The following U2AF2 variants were observed in gnomAD, a reference collection of about 807,000 sequenced individuals.
U2AF2 encodes splicing factor U2AF 65 kDa subunit.
A neutral mutation model predicts 52.6 loss-of-function variants in U2AF2; 6 were observed. The observed-to-expected ratio is 0.11, with a 90% confidence interval of 0.06 to 0.23. U2AF2 has a LOEUF of 0.23. U2AF2 is among the 10% of genes least tolerant of loss of function. The pLI is 1.00. For synonymous variants in U2AF2, 284 were observed against 258.2 expected (o/e 1.10, Z -0.96); for missense variants, 222 against 677.1 (o/e 0.33, Z 7.46).
At chr19:55,665,595 G>C (rs1364191619) in intron 7 of U2AF2, among the ~76,000 whole-genome samples, 7 of 152,318 alleles carry the variant, frequency 4.6e-5, no homozygotes, top group African/African-American at 1.7e-4. Context: ...TACGACACAG[G>C]GATTGGCAGG....
chr19:55,660,174 C>A lies in U2AF2; in HGVS notation c.186-3C>A. 1 of 1,609,232 alleles carries A rather than the reference C, an allele frequency of 6.2e-7. No homozygotes were observed. The highest frequency in any genetic ancestry group is 8.5e-7 in the Non-Finnish European group (1 of 1,177,476). ...CCCCATACCTTTCCCTCCCACCCCC[C>A]AGCAAACCTTTGACCAGAGGCGCTA... On this transcript the variant is annotated splice_region_variant and splice_polypyrimidine_tract_variant and intron_variant, in intron 2 of 11. Coordinates refer to ENST00000308924, the MANE Select transcript of U2AF2 (RefSeq NM_007279.3).
chr19:55,655,717 T>C (rs1983750362), intron 1 of U2AF2, among the ~76,000 whole-genome samples: 1 of 152,232 alleles, frequency 6.6e-6, no homozygotes, highest in Non-Finnish European at 1.5e-5. Flanking sequence ...CCCTTTTCCT[T>C]TTTGCTGATT....
In U2AF2 at chr19:55,668,821, C is replaced by T. The variant is rs543800537; in HGVS notation, c.945+29C>T. 15 of 1,599,270 alleles carry T rather than the reference C, an allele frequency of 9.4e-6. No homozygotes were observed. The highest frequency in any genetic ancestry group is 9.0e-5 in the East Asian group (4 of 44,510). On this transcript the variant is annotated intron_variant, in intron 9 of 11. Coordinates refer to ENST00000308924, the MANE Select transcript of U2AF2 (RefSeq NM_007279.3). This position sits in a 1 kb window ranked among gnomAD's most constrained non-coding sequence, Gnocchi z 5.5. ...AGTCCCCGGTCGCTGGCCGCTGCCG[C>T]GTCTGTCCTTCCCTGCCCTGCGCTG...
chr19:55,670,586 CG>C, intron 11 of U2AF2: 1 of 278,850 alleles, frequency 3.6e-6, no homozygotes, highest in Non-Finnish European at 7.0e-6. Flanking sequence ...CGTATTGAGT[CG>C]GGGCAGGGGC....
intron 1 of U2AF2, among the ~76,000 whole-genome samples, chr19:55,657,840 G>A (rs553613744): frequency 1.3e-5 from 2 of 152,200 alleles, no homozygotes; most frequent in Admixed American, 6.5e-5. Flanking sequence ...GTTTGACCTT[G>A]GTAATTGTGA....
chr19:55,667,284 TC>T (rs1267361027), intron 7 of U2AF2, among the ~76,000 whole-genome samples: 2 of 152,132 alleles, frequency 1.3e-5, no homozygotes, highest in African/African-American at 4.8e-5. Flanking sequence ...TCTTACCTAT[TC>T]CTTCCCAGCA....
At chr19:55,663,576 T>A in intron 6 of U2AF2, 30 bp from the exon 7 acceptor site, 4 of 1,608,812 alleles carry the variant, frequency 2.5e-6, no homozygotes, top group Non-Finnish European at 3.4e-6. Flanking sequence ...CTGACCCCCA[T>A]CCCTCACCAC....
intron 4 of U2AF2, 127 bp downstream of exon 4, chr19:55,660,746 G>A (rs1245433298): frequency 5.1e-6 from 5 of 979,242 alleles, no homozygotes; most frequent in African/African-American, 4.9e-5. Context: ...ACACCCCTGG[G>A]GGTTCTGGTC....
intron 11 of U2AF2, among the ~76,000 whole-genome samples, chr19:55,673,004 G>A (rs556240443): frequency 2.6e-4 from 39 of 151,642 alleles, no homozygotes; most frequent in Admixed American, 9.9e-4. Context: ...GTGCAGTGGC[G>A]CAATCTCGGC....
intron 5 of U2AF2, chr19:55,661,963 C>T (rs527640526): frequency 6.4e-6 from 1 of 155,068 alleles, no homozygotes; most frequent in Admixed American, 6.4e-5. Context: ...CTCCTCCCTA[C>T]ACTCCTCCTC....
chr19:55,662,660 T>A, intron 6 of U2AF2, 42 bp downstream of exon 6: 1 of 1,554,340 alleles, frequency 6.4e-7, no homozygotes, highest in Non-Finnish European at 8.9e-7. Context: ...ACGTGTGTGA[T>A]GTGAGGGCCC....
At position 55,668,854 on chromosome 19, in the gene U2AF2, G is replaced by A. The variant is rs541604749; in HGVS notation, c.945+62G>A. 7.4e-5 allele frequency: 117 copies of A among 1,571,190 alleles called. No individual in the cohort carries two copies. The highest frequency in any genetic ancestry group is 2.1e-4 in the Admixed American group (12 of 57,844). ...CTTCCCTGCCCTGCGCTGTTGCCAA[G>A]CCATGGTCTCCCCTCCTCAGGGGAC... On this transcript the variant is annotated intron_variant, in intron 9 of 11. Transcript: ENST00000308924. This position sits in a 1 kb window ranked among gnomAD's most constrained non-coding sequence, Gnocchi z 5.5.
chr19:55,666,321 A>C (rs771897006), intron 7 of U2AF2, among the ~76,000 whole-genome samples: 4 of 152,202 alleles, frequency 2.6e-5, no homozygotes, highest in Admixed American at 6.5e-5. Flanking sequence ...TGCTTTGTAG[A>C]TGCAGCCGCT....
intron 6 of U2AF2, 134 bp from the exon 7 acceptor site, chr19:55,663,472 T>C: frequency 7.3e-7 from 1 of 1,377,120 alleles, no homozygotes; most frequent in Non-Finnish European, 9.8e-7. Context: ...GTACTCCCAG[T>C]GCCCAGCCTG....
chr19:55,660,264 C>T (rs1984089086), intron 3 of U2AF2, 43 bp downstream of exon 3: 5 of 1,600,078 alleles, frequency 3.1e-6, no homozygotes, highest in African/African-American at 2.7e-5. Context: ...TGTCCACTCC[C>T]TTCACCTTCC....
At position 55,656,074 on chromosome 19, in the gene U2AF2, G is replaced by A. The variant is rs577424591; in HGVS notation, c.49+921G>A. 8.5e-5 allele frequency among the ~76,000 whole-genome samples: 13 copies of A among 152,226 alleles called. No individual in the cohort carries two copies. The South Asian group carries it at 1.9e-3, about 22-fold the overall frequency. On this transcript the variant is annotated intron_variant, in intron 1 of 11. Transcript: ENST00000308924. ...AAGGTGGGAGGCAGGTTCCCTTCAG[G>A]GTATCGAAAATTGTGATGGGTTAGA...
At position 55,674,177 on chromosome 19, in the gene U2AF2, C is replaced by G; in HGVS notation, c.*109C>G. ...TGGGCAGAGGAGTGACAGCCGCAGACACACGACAGCCGGCAGCAACTGGAA... is the reference window on the plus strand; with the variant it reads ...TGGGCAGAGGAGTGACAGCCGCAGAGACACGACAGCCGGCAGCAACTGGAA... On this transcript the variant is annotated 3_prime_UTR_variant, in exon 12 of 12. Coordinates refer to ENST00000308924, the MANE Select transcript of U2AF2 (RefSeq NM_007279.3). 4 of 1,056,808 alleles carry G rather than the reference C, an allele frequency of 3.8e-6. No homozygotes were observed. The highest frequency in any genetic ancestry group is 3.7e-6 in the Non-Finnish European group (3 of 812,920). The allele number at this position is 1,056,808 out of a possible 1,614,324, so 65.5% of individuals were successfully genotyped here.
chr19:55,663,538 C>T (rs1430474675), intron 6 of U2AF2, 68 bp from the exon 7 acceptor site: 2 of 1,551,090 alleles, frequency 1.3e-6, no homozygotes, highest in African/African-American at 1.4e-5. Flanking sequence ...AAATCCCAAT[C>T]CTGGAACACT....
Position 55,668,486 on chromosome 19 carries a change from C to CTTCTT in U2AF2, c.743-21_743-20insTTCTT, listed in dbSNP as rs1984681610. 6.4e-7 allele frequency: 1 copy of CTTCTT among 1,558,188 alleles called. No individual in the cohort carries two copies. Among genetic ancestry groups the CTTCTT allele is most frequent in the African/African-American group, 1.4e-5 (1 of 73,320 alleles). ...GATAACCTGGTACTGGAATTGAAGT[C>CTTCTT]CTCCTCTTCTCTACCCATAGGGGTT... is the stretch of plus-strand genomic sequence containing the variant. On this transcript the variant is annotated intron_variant, in intron 7 of 11. Coordinates refer to ENST00000308924, the MANE Select transcript of U2AF2 (RefSeq NM_007279.3). This position sits in a 1 kb window ranked among gnomAD's most constrained non-coding sequence, Gnocchi z 5.5.
Sources: gnomAD v4.1 joint callset for allele counts (sites outside exome capture counted in the v4.1 genomes callset) on GRCh38, gnomAD v4.1.1 for gene constraint, Gnocchi (gnomAD v3.1) non-coding constraint, MANE v1.5 for transcripts, NCBI Gene and HGNC (gene_info 2026-07-23, HGNC 2026-07-21) for gene names.